SNRPN: variants seen among roughly 807,000 people sequenced by gnomAD.
The protein encoded by SNRPN is small nuclear ribonucleoprotein-associated protein N.
Under a neutral mutation model 25.2 loss-of-function variants are expected in SNRPN, and 7 were observed. The ratio of observed to expected loss-of-function variants is 0.28; its 90% CI spans 0.16 to 0.52. SNRPN has a LOEUF of 0.52. SNRPN is among the 20% of genes least tolerant of loss of function. The probability of loss-of-function intolerance (pLI) is 0.96; values close to 1 mark genes in which losing one functional copy is unlikely to be tolerated. For synonymous variants in SNRPN, 124 were observed against 110.6 expected (o/e 1.12, Z -0.76); for missense variants, 196 against 322.5 (o/e 0.61, Z 3.00).
intron 2 of SNRPN, among the ~76,000 whole-genome samples, chr15:24,889,469 AT>A (rs925356420): frequency 3.5e-4 from 52 of 148,990 alleles, no homozygotes; most frequent in Non-Finnish European, 6.7e-4. Context: ...CGCCCAGCTA[AT>A]TTTTTTTTGT....
In SNRPN at chr15:24,824,465, A is replaced by G. The variant is rs2049937050; in HGVS notation, c.-687+615A>G. On this transcript the variant is annotated intron_variant, in intron 1 of 12. Coordinates refer to the SNRPN transcript ENST00000400100. ...TGACTTGCCTTCCTACAGAAAATCCATAATACAGAGATGTATTATTTTCTT... is the reference window on the plus strand; with the variant it reads ...TGACTTGCCTTCCTACAGAAAATCCGTAATACAGAGATGTATTATTTTCTT... Among the ~76,000 whole-genome samples, 4 of 152,108 alleles carry G rather than the reference A, an allele frequency of 2.6e-5. 1 individual carries two copies. The South Asian group carries it at 6.2e-4, about 24-fold the overall frequency.
intron 3 of SNRPN, among the ~76,000 whole-genome samples, chr15:24,949,495 A>C (rs2062100996): frequency 6.6e-6 from 1 of 151,980 alleles, no homozygotes; most frequent in African/African-American, 2.4e-5. Context: ...ACAAAAAAAT[A>C]AAAAAATTAC....
chr15:24,863,022 G>A (rs1442885696), intron 1 of SNRPN, among the ~76,000 whole-genome samples: 1 of 150,954 alleles, frequency 6.6e-6, no homozygotes, highest in Non-Finnish European at 1.5e-5. Flanking sequence ...CTTCTGTGGG[G>A]AGGAGTTCGA....
intron 2 of SNRPN, among the ~76,000 whole-genome samples, chr15:24,903,690 A>G (rs1456258769): frequency 6.6e-6 from 1 of 152,198 alleles, no homozygotes; most frequent in African/African-American, 2.4e-5. Flanking sequence ...AGCAGCTGCT[A>G]GGGATATTAC....
chr15:24,832,417 G>C (rs1033607866), intron 2 of SNRPN, among the ~76,000 whole-genome samples: 1 of 152,022 alleles, frequency 6.6e-6, no homozygotes, highest in Non-Finnish European at 1.5e-5. Flanking sequence ...GTGGGGACTT[G>C]GGGAAATCTC....
chr15:24,975,458 A>G lies in SNRPN; in HGVS notation c.104A>G (p.Asp35Gly). 6.2e-7 allele frequency: 1 copy of G among 1,613,930 alleles called. No individual in the cohort carries two copies. The highest frequency in any genetic ancestry group is 8.5e-7 in the Non-Finnish European group (1 of 1,179,832). The change falls in exon 5 of 10, where the codon GAC becomes GGC. Residue 35 changes from aspartate to glycine, a missense_variant. Transcript: ENST00000390687. ...TTCATTGGCACCTTTAAGGCTTTTGACAAGCATATGAATTTGATCCTCTGT... is the reference window on the plus strand; with the variant it reads ...TTCATTGGCACCTTTAAGGCTTTTGGCAAGCATATGAATTTGATCCTCTGT... The part of the protein sequence containing the change: ...RIFIGTFKAF[D>G]KHMNLILCDC...
chr15:24,835,028 T>C (rs1211196192), intron 2 of SNRPN, among the ~76,000 whole-genome samples: 2 of 63,510 alleles, frequency 3.1e-5, no homozygotes, highest in Non-Finnish European at 6.3e-5. Context: ...AAAATAGATA[T>C]ATATAGTATA....
intron 2 of SNRPN, chr15:24,909,275 T>C: frequency 6.2e-7 from 1 of 1,600,654 alleles, no homozygotes; most frequent in East Asian, 2.2e-5. Flanking sequence ...TTCAGAACCA[T>C]AACCAGGGAA....
chr15:24,977,053 A>G, intron 7 of SNRPN, 24 bp downstream of exon 7: 2 of 1,535,192 alleles, frequency 1.3e-6, no homozygotes, highest in Non-Finnish European at 1.7e-6. Flanking sequence ...AGAGGGTTTT[A>G]TATTATTGGG....
intron 2 of SNRPN, among the ~76,000 whole-genome samples, chr15:24,917,342 A>G (rs546091969): frequency 6.6e-6 from 1 of 152,288 alleles, no homozygotes; most frequent in East Asian, 1.9e-4. Context: ...TACTTTTTAA[A>G]TGGATGTATG....
chr15:24,936,962 C>T (rs149567982), intron 3 of SNRPN, among the ~76,000 whole-genome samples: 2 of 152,068 alleles, frequency 1.3e-5, no homozygotes, highest in Non-Finnish European at 2.9e-5. Context: ...GTAATAAAAC[C>T]GGCCAGGTGC....
chr15:24,975,477 C>A lies in SNRPN; in HGVS notation c.123C>A (p.Ile41=). 1.2e-6 allele frequency: 2 copies of A among 1,613,854 alleles called. No homozygotes were observed. The highest frequency in any genetic ancestry group is 1.7e-6 in the Non-Finnish European group (2 of 1,179,872). The part of the protein sequence containing the change: ...FKAFDKHMNL[I]LCDCDEFRKI... The stretch of plus-strand genomic sequence containing the variant: ...CTTTTGACAAGCATATGAATTTGAT[C>A]CTCTGTGATTGTGATGAGTTCAGAA... The change falls in exon 5 of 10, where the codon ATC becomes ATA. Residue 41 remains isoleucine (I), a synonymous_variant. Transcript: ENST00000390687.
At chr15:24,841,994 C>T (rs1163360806) in intron 2 of SNRPN, among the ~76,000 whole-genome samples, 2 of 152,158 alleles carry the variant, frequency 1.3e-5, no homozygotes, top group East Asian at 3.9e-4. Flanking sequence ...GCAGCCAGCT[C>T]ACTTACATCT....
intron 2 of SNRPN, among the ~76,000 whole-genome samples, chr15:24,834,728 C>CCTCTCTCTCT (rs372713413): frequency 0.02 from 865 of 42,702 alleles, 27 homozygotes; most frequent in South Asian, 0.061. Context: ...TCTCTCTCTC[C>CCTCTCTCTCT]CTCTCTCTCT....
intron 2 of SNRPN, chr15:24,848,936 C>G (rs2052529623): frequency 6.6e-6 from 1 of 151,836 alleles, no homozygotes; most frequent in African/African-American, 2.4e-5. Context: ...GAGACGGAGT[C>G]TCGCTCTGTC....
At chr15:24,971,956 A>G (rs1000039655) in intron 3 of SNRPN, among the ~76,000 whole-genome samples, 3 of 152,164 alleles carry the variant, frequency 2.0e-5, no homozygotes, top group Non-Finnish European at 4.4e-5. Flanking sequence ...TTGCAGTGCT[A>G]TAAAAATGGA....
chr15:24,868,323 T>C (rs1309277781), intron 1 of SNRPN, among the ~76,000 whole-genome samples: 1 of 152,178 alleles, frequency 6.6e-6, no homozygotes, highest in Non-Finnish European at 1.5e-5. Context: ...GACTGGCTAT[T>C]GGATTAAGAT....
chr15:24,892,543 C>A (rs944459787), intron 2 of SNRPN, among the ~76,000 whole-genome samples: 1 of 152,230 alleles, frequency 6.6e-6, no homozygotes, highest in Non-Finnish European at 1.5e-5. Flanking sequence ...TTGAGACCAG[C>A]CTGGCCAACA....
At chr15:24,950,949 C>G (rs1291813412), upstream of SNRPN, among the ~76,000 whole-genome samples, 1 of 151,836 alleles carries the variant, frequency 6.6e-6, no homozygotes, top group Non-Finnish European at 1.5e-5. Context: ...CGACCTCTGC[C>G]TCCCGGGCTC....
Sources: allele counts gnomAD v4.1 joint callset (sites outside exome capture counted in the v4.1 genomes callset), GRCh38; gene constraint gnomAD v4.1.1; transcripts MANE v1.5; gene names NCBI Gene and HGNC (gene_info 2026-07-23, HGNC 2026-07-21).